Variants in ENTREP1 observed in about 807,000 individuals in gnomAD.
The protein encoded by ENTREP1 is Friedreich ataxia region gene X123.
the ENTREP1 span, among the ~76,000 whole-genome samples, chr9:69,340,334 G>A: frequency 0.021 from 3,133 of 152,054 alleles, 40 homozygotes; most frequent in South Asian, 0.051. Flanking sequence ...TTTACATTTG[G>A]GCTTCCTCTT....
chr9:69,377,653 C>T, the ENTREP1 span: 15 of 1,613,946 alleles, frequency 9.3e-6, no homozygotes, highest in African/African-American at 1.3e-5. Flanking sequence ...GGATCATGGA[C>T]GCATCCCCGA....
At chr9:69,334,462 T>G in the ENTREP1 span, among the ~76,000 whole-genome samples, 2 of 152,118 alleles carry the variant, frequency 1.3e-5, no homozygotes, top group Non-Finnish European at 2.9e-5. Context: ...AGCAGGCCTG[T>G]GGGTTTTGAA....
chr9:69,379,652 G>C, the ENTREP1 span: 6 of 152,286 alleles, frequency 3.9e-5, no homozygotes, highest in East Asian at 1.2e-3. Flanking sequence ...GTACATTGGA[G>C]GACAGTAAAA....
the ENTREP1 span, among the ~76,000 whole-genome samples, chr9:69,333,144 A>G: frequency 5.2e-4 from 79 of 152,172 alleles, no homozygotes; most frequent in Non-Finnish European, 9.4e-4. Context: ...GTGTAGTAAG[A>G]ATTTAGAGAA....
chr9:69,338,963 C>T, the ENTREP1 span, among the ~76,000 whole-genome samples: 2 of 152,084 alleles, frequency 1.3e-5, no homozygotes, highest in African/African-American at 4.8e-5. Flanking sequence ...AACTTTGTAT[C>T]TATTAATAAT....
At chr9:69,377,823 CAT>C in the ENTREP1 span, 1 of 1,416,276 alleles carries the variant, frequency 7.1e-7, no homozygotes, top group African/African-American at 1.4e-5. Flanking sequence ...GAACTCACCA[CAT>C]GAGATCTCAC....
At chr9:69,354,536 G>A in the ENTREP1 span, among the ~76,000 whole-genome samples, 2 of 152,192 alleles carry the variant, frequency 1.3e-5, no homozygotes, top group African/African-American at 2.4e-5. Flanking sequence ...GGGATTACAG[G>A]CATGAGCCAC....
chr9:69,345,689 G>A, the ENTREP1 span, among the ~76,000 whole-genome samples: 3 of 152,160 alleles, frequency 2.0e-5, no homozygotes, highest in Admixed American at 6.5e-5. Flanking sequence ...TGCAACCTCC[G>A]CCTCCTGGGT....
At chr9:69,374,026 C>G in the ENTREP1 span, among the ~76,000 whole-genome samples, 1 of 152,174 alleles carries the variant, frequency 6.6e-6, no homozygotes, top group African/African-American at 2.4e-5. Flanking sequence ...AGTCTCTACT[C>G]TCTCATAGGC....
chr9:69,335,600 C>T, the ENTREP1 span, among the ~76,000 whole-genome samples: 772 of 152,186 alleles, frequency 5.1e-3, 4 homozygotes, highest in African/African-American at 0.017. Context: ...CTTGAAGGGC[C>T]TTGTTTCCCA....
chr9:69,325,393 CGCT>C, the ENTREP1 span: 14 of 1,112,336 alleles, frequency 1.3e-5, no homozygotes, highest in Non-Finnish European at 1.5e-5. Flanking sequence ...GCCCGGGCGC[CGCT>C]GCCGCCGCCG....
chr9:69,353,994 C>T, the ENTREP1 span, among the ~76,000 whole-genome samples: 2 of 152,026 alleles, frequency 1.3e-5, no homozygotes, highest in South Asian at 4.1e-4. Flanking sequence ...CTCATCTGGA[C>T]CCCTATTTCC....
the ENTREP1 span, among the ~76,000 whole-genome samples, chr9:69,355,546 G>A: frequency 6.6e-3 from 1,001 of 152,308 alleles, 10 homozygotes; most frequent in African/African-American, 0.021. Flanking sequence ...GAGTTGAAGA[G>A]GGGAGAGAAA....
chr9:69,368,446 T>C, the ENTREP1 span, among the ~76,000 whole-genome samples: 2 of 152,208 alleles, frequency 1.3e-5, no homozygotes, highest in African/African-American at 4.8e-5. Flanking sequence ...TAATGTGATG[T>C]ATCACATTTA....
the ENTREP1 span, chr9:69,382,863 T>G: frequency 4.2e-6 from 1 of 239,394 alleles, no homozygotes; most frequent in African/African-American, 2.3e-5. Context: ...ACAGACAAAC[T>G]TTTGTTCTCT....
chr9:69,386,941 A>G, the ENTREP1 span: 1 of 152,252 alleles, frequency 6.6e-6, no homozygotes. Context: ...ACCTGCCTTC[A>G]CTGTGGGTCT....
the ENTREP1 span, chr9:69,387,901 C>T: frequency 2.1e-6 from 3 of 1,420,392 alleles, no homozygotes; most frequent in Non-Finnish European, 2.8e-6. Flanking sequence ...TCCTCTCCAC[C>T]ATCTGGCTTT....
At chr9:69,380,956 G>C in the ENTREP1 span, 15 of 152,316 alleles carry the variant, frequency 9.8e-5, no homozygotes, top group African/African-American at 3.1e-4. Context: ...TAGAGGGTTG[G>C]GGGAGGGCCC....
the ENTREP1 span, chr9:69,375,928 T>C: frequency 6.5e-7 from 1 of 1,535,170 alleles, no homozygotes; most frequent in Non-Finnish European, 8.8e-7. Flanking sequence ...GAAGGCAAAC[T>C]TACTTGAAAT....
Sources: gnomAD v4.1 joint callset for allele counts (sites outside exome capture counted in the v4.1 genomes callset) on GRCh38, gnomAD v4.1.1 for gene constraint, MANE v1.5 for transcripts, NCBI Gene and HGNC (gene_info 2026-07-23, HGNC 2026-07-21) for gene names.